The following SFXN1 variants were observed in gnomAD, a reference collection of about 807,000 sequenced individuals.
SFXN1 encodes sideroflexin-1.
Under a neutral mutation model 39.5 loss-of-function variants are expected in SFXN1, and 32 were observed. That is an observed-to-expected ratio of 0.81 (90% confidence interval 0.61 to 1.09). SFXN1 has a LOEUF of 1.09. Among genes scored for constraint, SFXN1 ranks in the 50% least tolerant of loss-of-function variants. SFXN1 has a pLI of 0.00. For missense variants in SFXN1, 402 were observed against 407.1 expected (o/e 0.99, Z 0.11); for synonymous variants, 136 against 146.5 (o/e 0.93, Z 0.52).
At chr5:175,498,467 A>T (rs1414096128) in intron 2 of SFXN1, among the ~76,000 whole-genome samples, 1 of 152,228 alleles carries the variant, frequency 6.6e-6, no homozygotes. Context: ...CTGACCGCAG[A>T]GTTCATGCTG....
chr5:175,494,528 G>A (rs1171911636), intron 2 of SFXN1, among the ~76,000 whole-genome samples: 8 of 151,964 alleles, frequency 5.3e-5, no homozygotes, highest in African/African-American at 1.2e-4. Flanking sequence ...TGGGTGGATC[G>A]CCTGAGGTCA....
chr5:175,519,121 C>T (rs1233805672), intron 8 of SFXN1, among the ~76,000 whole-genome samples: 1 of 152,134 alleles, frequency 6.6e-6, no homozygotes, highest in East Asian at 1.9e-4. Context: ...TGTCTTTAGT[C>T]GTTGGGAAAC....
At chr5:175,491,880 AG>A in intron 1 of SFXN1, 1 of 445,236 alleles carries the variant, frequency 2.2e-6, no homozygotes. Flanking sequence ...AGAAATATGT[AG>A]GAAACTATTG....
intron 1 of SFXN1, among the ~76,000 whole-genome samples, chr5:175,480,132 T>C (rs1391138596): frequency 6.6e-6 from 1 of 152,166 alleles, no homozygotes; most frequent in Non-Finnish European, 1.5e-5. Flanking sequence ...CCAGGCGCGG[T>C]GGCTCACGCC....
chr5:175,522,544 A>G, intron 10 of SFXN1, 122 bp downstream of exon 10: 2 of 950,262 alleles, frequency 2.1e-6, no homozygotes, highest in South Asian at 1.7e-5. Flanking sequence ...TACTGAAGCC[A>G]GGGTCTCTTA....
intron 1 of SFXN1, among the ~76,000 whole-genome samples, chr5:175,481,527 G>A (rs553994046): frequency 6.6e-6 from 1 of 152,304 alleles, no homozygotes; most frequent in African/African-American, 2.4e-5. Context: ...CGTTAGCCAG[G>A]ATGGTCTCGA....
At chr5:175,483,890 C>G (rs1411973179) in intron 1 of SFXN1, 1 of 152,384 alleles carries the variant, frequency 6.6e-6, no homozygotes, top group African/African-American at 2.4e-5. Context: ...CGCACTCTCC[C>G]TGGCATCTTT....
intron 1 of SFXN1, among the ~76,000 whole-genome samples, chr5:175,490,851 CA>C (rs1554099944): frequency 6.7e-6 from 1 of 149,366 alleles, no homozygotes; most frequent in African/African-American, 2.5e-5. Flanking sequence ...GAAATAAGTG[CA>C]AAAAAAACAA....
chr5:175,487,576 C>T (rs1171679928), intron 1 of SFXN1, among the ~76,000 whole-genome samples: 1 of 152,158 alleles, frequency 6.6e-6, no homozygotes, highest in Non-Finnish European at 1.5e-5. Flanking sequence ...GCCTTCAGTC[C>T]TTTCTGACCT....
chr5:175,503,381 T>C (rs1182469491), intron 2 of SFXN1, among the ~76,000 whole-genome samples: 1 of 152,002 alleles, frequency 6.6e-6, no homozygotes, highest in African/African-American at 2.4e-5. Flanking sequence ...AATGCAAAAA[T>C]CCAAAGTAAA....
At chr5:175,507,032 G>T (rs564051637) in intron 2 of SFXN1, among the ~76,000 whole-genome samples, 29 of 152,154 alleles carry the variant, frequency 1.9e-4, no homozygotes, top group Non-Finnish European at 3.2e-4. Context: ...GAGGCTCAAG[G>T]TCTGATATCA....
intron 6 of SFXN1, 123 bp from the exon 7 acceptor site, chr5:175,513,328 ATGTGTCAGTACC>A (rs1760594683): frequency 1.5e-5 from 6 of 402,982 alleles, no homozygotes; most frequent in African/African-American, 1.1e-4. Context: ...AAAAAAACAG[ATGTGTCAGTACC>A]AAAAATGACA....
intron 2 of SFXN1, among the ~76,000 whole-genome samples, chr5:175,507,958 G>T (rs1323746498): frequency 2.2e-5 from 3 of 136,966 alleles, no homozygotes; most frequent in Admixed American, 7.5e-5. Context: ...GGGTGACAGA[G>T]TGAGACCCTG....
intron 2 of SFXN1, among the ~76,000 whole-genome samples, chr5:175,500,905 A>G (rs2113303927): frequency 6.6e-6 from 1 of 152,298 alleles, no homozygotes; most frequent in East Asian, 1.9e-4. Flanking sequence ...AGTTCTGGAA[A>G]AATTAGATTC....
chr5:175,484,659 G>A (rs1293718661), intron 1 of SFXN1, among the ~76,000 whole-genome samples: 3 of 152,376 alleles, frequency 2.0e-5, no homozygotes, highest in East Asian at 1.9e-4. Context: ...AGCACAGGGC[G>A]CGTCTCGGCG....
intron 10 of SFXN1, chr5:175,524,115 AAAAAAAAAAAATAT>A (rs1401058215): frequency 1.6e-5 from 1 of 63,624 alleles, no homozygotes; most frequent in African/African-American, 7.1e-5. Context: ...AAAAAAAAAA[AAAAAAAAAAAATAT>A]ATATATATAT....
At chr5:175,508,469 A>G (rs1439767604) in intron 2 of SFXN1, among the ~76,000 whole-genome samples, 1 of 152,014 alleles carries the variant, frequency 6.6e-6, no homozygotes, top group Non-Finnish European at 1.5e-5. Context: ...TCCTGGGCTC[A>G]AGCAATCCTC....
At chr5:175,524,579 G>A (rs573542738) in intron 10 of SFXN1, among the ~76,000 whole-genome samples, 8 of 150,648 alleles carry the variant, frequency 5.3e-5, no homozygotes, top group Admixed American at 5.3e-4. Context: ...TTTATATTAT[G>A]AAGAATAGCT....
chr5:175,504,728 A>G (rs1308313163), intron 2 of SFXN1, among the ~76,000 whole-genome samples: 4 of 151,464 alleles, frequency 2.6e-5, no homozygotes, highest in Admixed American at 6.6e-5. Context: ...CATAAGAACA[A>G]TTTTTTTTGG....
Sources: gnomAD v4.1 joint callset for allele counts (sites outside exome capture counted in the v4.1 genomes callset) on GRCh38, gnomAD v4.1.1 for gene constraint, MANE v1.5 for transcripts, NCBI Gene and HGNC (gene_info 2026-07-23, HGNC 2026-07-21) for gene names.